Variants in GPR158 observed in about 807,000 individuals in gnomAD.
GPR158 encodes the protein G protein-coupled receptor 158.
Under a neutral mutation model 78.2 loss-of-function variants are expected in GPR158, and 30 were observed. The observed-to-expected ratio is 0.38, with a 90% CI of 0.29 to 0.52. The LOEUF is 0.52. Ranked by LOEUF, GPR158 falls within the 20% of genes least tolerant of loss-of-function variation. GPR158 has a pLI of 0.83. For missense variants in GPR158, 1,463 were observed against 1,523.5 expected, an observed-to-expected ratio of 0.96 and a Z score of 0.66; for synonymous variants, 581 against 591.1, an observed-to-expected ratio of 0.98 and a Z score of 0.25.
chr10:25,401,906 T>C (rs1308799638), intron 3 of GPR158, among the ~76,000 whole-genome samples: 2 of 152,144 alleles, frequency 1.3e-5, no homozygotes, highest in Non-Finnish European at 2.9e-5. Context: ...AAATAAAATA[T>C]AACATTCAGA....
chr10:25,462,322 C>T (rs933078823), intron 4 of GPR158, among the ~76,000 whole-genome samples: 2 of 152,082 alleles, frequency 1.3e-5, no homozygotes. Context: ...AAAAAGATTC[C>T]TTTCAAAATA....
intron 5 of GPR158, among the ~76,000 whole-genome samples, chr10:25,528,097 C>T (rs1836374163): frequency 6.6e-6 from 1 of 151,942 alleles, no homozygotes. Flanking sequence ...TTCTATTACA[C>T]ATTTAAGAAT....
intron 2 of GPR158, among the ~76,000 whole-genome samples, chr10:25,326,049 C>T (rs1250167945): frequency 6.6e-6 from 1 of 152,094 alleles, no homozygotes; most frequent in Non-Finnish European, 1.5e-5. Context: ...CAGGTGATCC[C>T]ATCACCTACA....
At chr10:25,405,749 T>TATTTAAC (rs1834506677) in intron 3 of GPR158, among the ~76,000 whole-genome samples, 1 of 152,024 alleles carries the variant, frequency 6.6e-6, no homozygotes, top group African/African-American at 2.4e-5. Flanking sequence ...TTCTCTACTA[T>TATTTAAC]ATTTAACAAA....
At position 25,203,820 on chromosome 10, in the gene GPR158, A is replaced by T. The variant is rs192559066; in HGVS notation, c.903-17232A>T. Reference sequence around the variant, plus strand: ...GAAAGTCATTGGTAGCTTGATGGGGATGGCACTGAATCTATAAATTACCTT... The same window carrying T: ...GAAAGTCATTGGTAGCTTGATGGGGTTGGCACTGAATCTATAAATTACCTT... On this transcript the variant is annotated intron_variant, in intron 1 of 10. Coordinates refer to ENST00000376351, the MANE Select transcript of GPR158 (RefSeq NM_020752.3). 4.6e-4 allele frequency among the ~76,000 whole-genome samples: 66 copies of T among 143,710 alleles called. 7 individuals are homozygous for T. The highest frequency in any genetic ancestry group is 8.4e-4 in the Non-Finnish European group (56 of 66,526). The allele number at this position is 143,710 out of a possible 152,430, so 94.3% of individuals were successfully genotyped here.
intron 2 of GPR158, among the ~76,000 whole-genome samples, chr10:25,245,589 A>T (rs1853679698): frequency 6.6e-6 from 1 of 152,182 alleles, no homozygotes; most frequent in South Asian, 2.1e-4. Context: ...ATCATTGACA[A>T]TCTCCAAGAT....
chr10:25,455,301 G>A (rs1240288268), intron 4 of GPR158, among the ~76,000 whole-genome samples: 1 of 152,112 alleles, frequency 6.6e-6, no homozygotes, highest in Non-Finnish European at 1.5e-5. Context: ...GTTTCAAAAA[G>A]CTTGTTACTT....
At chr10:25,596,598 G>A (rs191094824) in intron 9 of GPR158, 45 bp from the exon 10 acceptor site, 77 of 1,500,338 alleles carry the variant, frequency 5.1e-5, no homozygotes, top group East Asian at 3.0e-4. Flanking sequence ...TATGCAATGC[G>A]TTACAGTGAG....
In GPR158 at chr10:25,524,682, T is replaced by C. The variant is rs1018411142; in HGVS notation, c.1405-26294T>C. Among the ~76,000 whole-genome samples, 3 of 152,106 alleles carry C rather than the reference T, an allele frequency of 2.0e-5. No individual in the cohort carries two copies. In the East Asian group the frequency reaches 5.8e-4, roughly 29 times the overall value. On this transcript the variant is annotated intron_variant, in intron 5 of 10. Transcript: ENST00000376351. ...ATGGAAGAGCCAAAACTGTAGAACTTTTAGAAGGAAACATAGATATAAATT... is the reference window on the plus strand; with the variant it reads ...ATGGAAGAGCCAAAACTGTAGAACTCTTAGAAGGAAACATAGATATAAATT...
In GPR158 at chr10:25,378,405, GTT is replaced by G. The variant is rs9335087; in HGVS notation, c.1009-17496_1009-17495del. Among the ~76,000 whole-genome samples the G allele has an allele frequency of 8.0e-5, 12 of 150,156 alleles. No individual in the cohort carries two copies. In the East Asian group the frequency reaches 9.9e-4, roughly 12 times the overall value. On this transcript the variant is annotated intron_variant, in intron 2 of 10. Coordinates refer to ENST00000376351, the MANE Select transcript of GPR158 (RefSeq NM_020752.3). ...AAAACTACATAACAATGATAGGCAA[GTT>G]TTTTTTTTTAAATCATTGTTAGAAA...
intron 1 of GPR158, among the ~76,000 whole-genome samples, chr10:25,200,465 T>C (rs1852906956): frequency 6.6e-6 from 1 of 152,136 alleles, no homozygotes; most frequent in Non-Finnish European, 1.5e-5. Flanking sequence ...TTCTGTGGGG[T>C]GTCTGTTTGC....
intron 2 of GPR158, among the ~76,000 whole-genome samples, chr10:25,265,201 G>A (rs1854027347): frequency 6.6e-6 from 1 of 151,978 alleles, no homozygotes; most frequent in Admixed American, 6.6e-5. Flanking sequence ...CTTTACTTTT[G>A]GGTTGGGCTC....
chr10:25,317,719 T>TTG (rs200825840), intron 2 of GPR158, among the ~76,000 whole-genome samples: 1,413 of 138,758 alleles, frequency 0.01, 110 homozygotes, highest in African/African-American at 0.042. Context: ...GTAAAGTGTT[T>TTG]TTTTTTGTTT....
At chr10:25,340,472 G>A (rs116860121) in intron 2 of GPR158, among the ~76,000 whole-genome samples, 2,486 of 152,056 alleles carry the variant, frequency 0.016, 30 homozygotes, top group Non-Finnish European at 0.025. Context: ...AAATAACTAT[G>A]TCTAGTATGT....
At chr10:25,421,368 T>C (rs1338738228) in intron 4 of GPR158, among the ~76,000 whole-genome samples, 3 of 152,150 alleles carry the variant, frequency 2.0e-5, no homozygotes, top group African/African-American at 7.2e-5. Flanking sequence ...TTCCTGTGAT[T>C]TATGGGAGGG....
intron 2 of GPR158, among the ~76,000 whole-genome samples, chr10:25,325,097 A>G (rs1333305055): frequency 6.6e-6 from 1 of 151,772 alleles, no homozygotes; most frequent in East Asian, 1.9e-4. Flanking sequence ...TCCCACCTTG[A>G]TCTCCCAAAG....
intron 5 of GPR158, among the ~76,000 whole-genome samples, chr10:25,534,484 A>AAAAACAAAAC (rs66648229): frequency 6.6e-6 from 1 of 151,892 alleles, no homozygotes; most frequent in Non-Finnish European, 1.5e-5. Context: ...TAAAAATGCA[A>AAAAACAAAAC]AAAACAAAAC....
chr10:25,385,640 A>T (rs917978284), intron 2 of GPR158, among the ~76,000 whole-genome samples: 3 of 152,062 alleles, frequency 2.0e-5, no homozygotes, highest in Non-Finnish European at 4.4e-5. Context: ...TTATTATTAT[A>T]ATTTTTTGAT....
At chr10:25,533,605 A>G (rs1467999964) in intron 5 of GPR158, among the ~76,000 whole-genome samples, 2 of 151,994 alleles carry the variant, frequency 1.3e-5, no homozygotes, top group Non-Finnish European at 2.9e-5. Context: ...TTCATTCTTT[A>G]TATATTTCAT....
Sources: gnomAD v4.1 joint callset for allele counts (sites outside exome capture counted in the v4.1 genomes callset) on GRCh38, gnomAD v4.1.1 for gene constraint, MANE v1.5 for transcripts, NCBI Gene and HGNC (gene_info 2026-07-23, HGNC 2026-07-21) for gene names.